LZTS1: variants seen among roughly 807,000 people sequenced by gnomAD.
The protein encoded by LZTS1 is leucine zipper putative tumor suppressor 1.
Under a neutral mutation model 45.8 loss-of-function variants are expected in LZTS1, and 31 were observed. The ratio of observed to expected loss-of-function variants is 0.68; its 90% confidence interval spans 0.51 to 0.91. The LOEUF (loss-of-function observed/expected upper bound fraction) is 0.91. Among genes scored for constraint, LZTS1 ranks in the 40% least tolerant of loss-of-function variants. The pLI, the probability that LZTS1 is intolerant of heterozygous loss-of-function variation, is 0.00. For synonymous variants in LZTS1, 359 were observed against 357.3 expected, an observed-to-expected ratio of 1.00 and a Z score of -0.05; for missense variants, 821 against 788.9, an observed-to-expected ratio of 1.04 and a Z score of -0.49.
At chr8:20,259,320 G>C (rs1370305971) in intron 1 of LZTS1, among the ~76,000 whole-genome samples, 1 of 152,210 alleles carries the variant, frequency 6.6e-6, no homozygotes, top group Non-Finnish European at 1.5e-5. Context: ...GCGATCTACA[G>C]ATGTGTGCAC....
At chr8:20,302,719 G>C (rs1418709607) in intron 1 of LZTS1, among the ~76,000 whole-genome samples, 1 of 152,200 alleles carries the variant, frequency 6.6e-6, no homozygotes, top group African/African-American at 2.4e-5. Flanking sequence ...TGATGGCAGC[G>C]GGACGGTGTG....
rs1353214616 is a variant in LZTS1, at chr8:20,253,184, G to A, written c.747C>T (p.Pro249=). The A allele has an allele frequency of 1.2e-6, 2 of 1,613,578 alleles. No individual in the cohort carries two copies. The highest frequency in any genetic ancestry group is 1.7e-5 in the Admixed American group (1 of 60,024). The change falls in exon 3 of 4, where the codon CCC becomes CCT. Residue 249 remains proline, a synonymous_variant. Transcript: ENST00000381569. The part of the protein sequence containing the change: ...LGHSNKADKG[P]SCVRSPISTD... ...TGGAGATGGGGGAGCGGACACACGA[G>A]GGGCCCTTGTCTGCCTTGTTCGAGT...
At chr8:20,284,993 C>T (rs1800762737) in intron 1 of LZTS1, among the ~76,000 whole-genome samples, 1 of 152,176 alleles carries the variant, frequency 6.6e-6, no homozygotes, top group African/African-American at 2.4e-5. Context: ...GGCCGAGCCT[C>T]TTTACTCTCT....
rs904103085 is a variant in LZTS1, at chr8:20,261,763, C to T, written c.-134-6448G>A. 3.9e-5 allele frequency among the ~76,000 whole-genome samples: 6 copies of T among 152,366 alleles called. No homozygotes were observed. In the South Asian group the frequency reaches 1.0e-3, roughly 26 times the overall value. ...GTTGAAGCAGCTATGCCTTGGCCCA[C>T]GCCAAGTCCCGGGTTCTGGCTGGGA... is the stretch of plus-strand genomic sequence containing the variant. On this transcript the variant is annotated intron_variant, in intron 1 of 3. Transcript: ENST00000381569.
chr8:20,296,554 T>A (rs1272230422), intron 1 of LZTS1, among the ~76,000 whole-genome samples: 1 of 151,946 alleles, frequency 6.6e-6, no homozygotes, highest in East Asian at 2.0e-4. Context: ...GAGGTGTGGA[T>A]CTCCCGGGTC....
intron 1 of LZTS1, among the ~76,000 whole-genome samples, chr8:20,284,972 G>T (rs952870244): frequency 2.0e-5 from 3 of 152,144 alleles, no homozygotes; most frequent in Non-Finnish European, 4.4e-5. Flanking sequence ...ACTTCCTCAT[G>T]GGGAGAACTC....
At chr8:20,291,597 ATC>A (rs1364208525) in intron 1 of LZTS1, among the ~76,000 whole-genome samples, 1 of 152,092 alleles carries the variant, frequency 6.6e-6, no homozygotes, top group Non-Finnish European at 1.5e-5. Context: ...CAGAGCCAGG[ATC>A]TCTCTCGCCA....
At chr8:20,258,763 C>T (rs867795071) in intron 1 of LZTS1, among the ~76,000 whole-genome samples, 2 of 152,198 alleles carry the variant, frequency 1.3e-5, no homozygotes, top group South Asian at 2.1e-4. Flanking sequence ...GTATCTGTTA[C>T]TTATATTGTG....
intron 3 of LZTS1, among the ~76,000 whole-genome samples, chr8:20,251,734 T>A (rs117177169): frequency 6.6e-6 from 1 of 152,328 alleles, no homozygotes; most frequent in Non-Finnish European, 1.5e-5. Context: ...AGCATGATAC[T>A]AGTCACTGGG....
chr8:20,272,820 C>A (rs963973777), intron 1 of LZTS1, among the ~76,000 whole-genome samples: 1 of 152,218 alleles, frequency 6.6e-6, no homozygotes, highest in Non-Finnish European at 1.5e-5. Flanking sequence ...GCGTGACTCT[C>A]GTCAACGCCA....
At chr8:20,297,780 G>T (rs1232882600) in intron 1 of LZTS1, among the ~76,000 whole-genome samples, 1 of 152,156 alleles carries the variant, frequency 6.6e-6, no homozygotes, top group African/African-American at 2.4e-5. Flanking sequence ...AGGGAGATGG[G>T]GGGTGAAGTG....
intron 1 of LZTS1, among the ~76,000 whole-genome samples, chr8:20,292,996 C>T (rs1452575637): frequency 6.7e-6 from 1 of 149,810 alleles, no homozygotes; most frequent in Non-Finnish European, 1.5e-5. Context: ...ATCCTGGACC[C>T]AGCATCTTGA....
At chr8:20,259,361 G>A (rs1026601869) in intron 1 of LZTS1, among the ~76,000 whole-genome samples, 2 of 152,162 alleles carry the variant, frequency 1.3e-5, no homozygotes, top group Admixed American at 6.5e-5. Flanking sequence ...CTATGACACC[G>A]CTGGAGGCTA....
At chr8:20,302,196 A>G (rs1801092198) in intron 1 of LZTS1, among the ~76,000 whole-genome samples, 2 of 152,136 alleles carry the variant, frequency 1.3e-5, no homozygotes, top group African/African-American at 4.8e-5. Flanking sequence ...AGGATAAAGG[A>G]GATAACGTAT....
chr8:20,262,431 C>A (rs1023026902), intron 1 of LZTS1, among the ~76,000 whole-genome samples: 21 of 151,958 alleles, frequency 1.4e-4, no homozygotes, highest in African/African-American at 4.4e-4. Context: ...AGTGTGTGTT[C>A]ATGTGTGCAC....
intron 1 of LZTS1, among the ~76,000 whole-genome samples, chr8:20,294,254 C>T (rs115073052): frequency 0.011 from 1,605 of 152,276 alleles, 30 homozygotes; most frequent in African/African-American, 0.037. Flanking sequence ...AACAGATGTC[C>T]GAGGTACTGG....
chr8:20,271,530 G>C (rs1800475014), intron 1 of LZTS1, among the ~76,000 whole-genome samples: 1 of 152,174 alleles, frequency 6.6e-6, no homozygotes, highest in South Asian at 2.1e-4. Context: ...GCCACCTGTA[G>C]ATGCTCGGGG....
chr8:20,280,938 C>G (rs1442645528), intron 1 of LZTS1, among the ~76,000 whole-genome samples: 1 of 152,196 alleles, frequency 6.6e-6, no homozygotes, highest in African/African-American at 2.4e-5. Flanking sequence ...CCAGCCAGGT[C>G]TAGGCTGATG....
intron 1 of LZTS1, among the ~76,000 whole-genome samples, chr8:20,288,584 C>T (rs1242908842): frequency 6.6e-6 from 1 of 152,332 alleles, no homozygotes; most frequent in African/African-American, 2.4e-5. Context: ...AATGATGCCT[C>T]AGGTTTTATA....
Sources: allele counts gnomAD v4.1 joint callset (sites outside exome capture counted in the v4.1 genomes callset), GRCh38; gene constraint gnomAD v4.1.1; transcripts MANE v1.5; gene names NCBI Gene and HGNC (gene_info 2026-07-23, HGNC 2026-07-21).